The following SERPINB12 variants were observed in gnomAD, a reference collection of about 807,000 sequenced individuals.
SERPINB12 encodes serpin family B member 12.
In SERPINB12, 57 loss-of-function variants were observed where a neutral mutation model predicts 41.1. The ratio of observed to expected loss-of-function variants is 1.39; its 90% CI spans 1.12 to 1.73. The LOEUF (loss-of-function observed/expected upper bound fraction) is 1.73. SERPINB12 is among the 40% of genes most tolerant of loss of function. SERPINB12 has a pLI of 0.00. For synonymous variants in SERPINB12, 180 were observed against 181.3 expected (o/e 0.99, Z 0.06); for missense variants, 536 against 501.9 (o/e 1.07, Z -0.65).
At position 63,567,280 on chromosome 18, in the gene SERPINB12, C is replaced by T. The variant is rs541106664; in HGVS notation, c.*269C>T. Among the ~76,000 whole-genome samples the T allele has an allele frequency of 6.6e-6, 1 of 152,316 alleles. No individual in the cohort carries two copies. Among genetic ancestry groups the T allele is most frequent in the Non-Finnish European group, 1.5e-5 (1 of 68,026 alleles). On this transcript the variant is annotated 3_prime_UTR_variant, in exon 8 of 8. Coordinates refer to ENST00000382768, the MANE Select transcript of SERPINB12 (RefSeq NM_001307928.2). Reference sequence around the variant, plus strand: ...ACCTGAAGGTCAACACAATTCAGAACAGTACCTACCTCCTTTTGAAGGAAT... The same window carrying T: ...ACCTGAAGGTCAACACAATTCAGAATAGTACCTACCTCCTTTTGAAGGAAT...
rs1911196641 is a variant in SERPINB12 at position 63,568,688 on chromosome 18, C to T, written c.*1677C>T. The stretch of plus-strand genomic sequence containing the variant: ...TTTCCTTGGCCCACCTTGTGGCTGT[C>T]CTCCTCCCAGCTGCCACCAGTCGTT... On this transcript the variant is annotated 3_prime_UTR_variant, in exon 8 of 8. Transcript: ENST00000382768. Among the ~76,000 whole-genome samples, 1 of 152,146 alleles carries T rather than the reference C, an allele frequency of 6.6e-6. No homozygotes were observed. The highest frequency in any genetic ancestry group is 1.5e-5 in the Non-Finnish European group (1 of 68,040).
intron 1 of SERPINB12, among the ~76,000 whole-genome samples, chr18:63,554,137 A>AG (rs1448569443): frequency 2.0e-5 from 3 of 152,216 alleles, no homozygotes; most frequent in Admixed American, 6.5e-5. Context: ...AAGCTGAATA[A>AG]GGGGGGAGAG....
the SERPINB12 span, among the ~76,000 whole-genome samples, chr18:63,521,020 C>T: frequency 6.3e-3 from 958 of 152,264 alleles, 5 homozygotes; most frequent in African/African-American, 0.022. Flanking sequence ...ATTAATTATC[C>T]TTGGCTACAA....
chr18:63,527,563 G>C, the SERPINB12 span, among the ~76,000 whole-genome samples: 268 of 152,238 alleles, frequency 1.8e-3, no homozygotes, highest in Non-Finnish European at 2.9e-3. Context: ...TTTCCAGTGA[G>C]CTGCTTTTTT....
At chr18:63,526,177 A>G in the SERPINB12 span, among the ~76,000 whole-genome samples, 1 of 152,214 alleles carries the variant, frequency 6.6e-6, no homozygotes, top group Non-Finnish European at 1.5e-5. Flanking sequence ...TTTTAAGTTA[A>G]TTAATTAACT....
the SERPINB12 span, among the ~76,000 whole-genome samples, chr18:63,530,967 G>A: frequency 6.6e-6 from 1 of 152,064 alleles, no homozygotes; most frequent in Admixed American, 6.6e-5. Flanking sequence ...TTTGTTCTAA[G>A]AAATATAATT....
intron 7 of SERPINB12, 36 bp downstream of exon 7, chr18:63,565,648 A>G (rs758829871): frequency 1.9e-6 from 3 of 1,572,654 alleles, no homozygotes; most frequent in East Asian, 2.3e-5. Context: ...CAAAATATTT[A>G]ATGATAGATC....
At chr18:63,522,137 G>C in the SERPINB12 span, among the ~76,000 whole-genome samples, 2 of 152,124 alleles carry the variant, frequency 1.3e-5, no homozygotes, top group South Asian at 4.1e-4. Context: ...CATTTACATA[G>C]TGTGACAAGA....
chr18:63,552,277 T>C (rs551197631), intron 1 of SERPINB12, among the ~76,000 whole-genome samples: 1 of 152,326 alleles, frequency 6.6e-6, no homozygotes, highest in Non-Finnish European at 1.5e-5. Context: ...TTTCTATGTT[T>C]ATTCAAAAAG....
rs1414487338 is a variant in SERPINB12 at position 63,565,443 on chromosome 18, A to G, written c.706-2A>G. The G allele has an allele frequency of 1.2e-6, 2 of 1,612,574 alleles. No individual in the cohort carries two copies. The highest frequency in any genetic ancestry group is 1.7e-6 in the Non-Finnish European group (2 of 1,179,334). ...TGTGACCTCCTACCTTGACTACTAC[A>G]GAATGAAAACAAGAGTGTGAAGATG... On this transcript the variant is annotated splice_acceptor_variant, in intron 6 of 7. Transcript: ENST00000382768. LOFTEE classifies it high-confidence loss of function.
chr18:63,541,873 A>G (rs1221366600), upstream of SERPINB12, among the ~76,000 whole-genome samples: 1 of 152,218 alleles, frequency 6.6e-6, no homozygotes, highest in African/African-American at 2.4e-5. Flanking sequence ...AAATTATCCT[A>G]GACAGCTGTG....
At chr18:63,525,442 T>C in the SERPINB12 span, among the ~76,000 whole-genome samples, 6 of 152,136 alleles carry the variant, frequency 3.9e-5, no homozygotes, top group Admixed American at 3.3e-4. Flanking sequence ...TTTAGAAACA[T>C]AGCTTCTCAT....
chr18:63,568,903 T>G lies in SERPINB12; in HGVS notation c.*1892T>G, dbSNP rs1432909797. On this transcript the variant is annotated 3_prime_UTR_variant, in exon 8 of 8. Transcript: ENST00000382768. ...CTAAAACAATTTGACGTTGGTAACG[T>G]GAGGCAGTTTGAGGCAGTGCCCTAT... Among the ~76,000 whole-genome samples, 1 of 152,200 alleles carries G rather than the reference T, an allele frequency of 6.6e-6. No individual in the cohort carries two copies. Among genetic ancestry groups the G allele is most frequent in the East Asian group, 1.9e-4 (1 of 5,190 alleles).
In SERPINB12 at chr18:63,558,422, A is replaced by G; in HGVS notation, c.239A>G (p.Gln80Arg). 6.2e-7 allele frequency: 1 copy of G among 1,613,990 alleles called. No individual in the cohort carries two copies. The highest frequency in any genetic ancestry group is 8.5e-7 in the Non-Finnish European group (1 of 1,179,878). ...EPDPCLKSNK[Q>R]KVLADSSLEG... is the part of the protein sequence containing the mutation. ...GACCCTTGTCTGAAAAGCAACAAACAAAAAGTGCTGGCTGACAGCTCTCTG... is the reference window on the plus strand; with the variant it reads ...GACCCTTGTCTGAAAAGCAACAAACGAAAAGTGCTGGCTGACAGCTCTCTG... Residue 80 changes from glutamine to arginine, a missense_variant, in exon 3 of 8, where the codon CAA becomes CGA. Coordinates refer to ENST00000382768, the MANE Select transcript of SERPINB12 (RefSeq NM_001307928.2).
the SERPINB12 span, among the ~76,000 whole-genome samples, chr18:63,534,464 C>CAT: frequency 7.0e-3 from 1,066 of 152,254 alleles, 11 homozygotes; most frequent in African/African-American, 0.024. Context: ...ACTTAGTACT[C>CAT]ATACAATTGT....
the SERPINB12 span, among the ~76,000 whole-genome samples, chr18:63,520,028 C>T: frequency 4.2e-4 from 64 of 152,248 alleles, 1 homozygote; most frequent in South Asian, 0.012. Flanking sequence ...ATGTGAAACG[C>T]GCTCATCAGG....
chr18:63,552,296 C>T (rs1910553189), intron 1 of SERPINB12, among the ~76,000 whole-genome samples: 1 of 152,160 alleles, frequency 6.6e-6, no homozygotes, highest in Non-Finnish European at 1.5e-5. Flanking sequence ...AGACCATAAA[C>T]TCATTTCTAT....
Position 63,569,097 on chromosome 18 carries a change from C to T in SERPINB12, c.*2086C>T, listed in dbSNP as rs1018403353. Among the ~76,000 whole-genome samples the T allele has an allele frequency of 9.2e-5, 14 of 151,622 alleles. No homozygotes were observed. Among genetic ancestry groups the T allele is most frequent in the African/African-American group, 3.2e-4 (13 of 41,214 alleles). On this transcript the variant is annotated 3_prime_UTR_variant, in exon 8 of 8. Coordinates refer to ENST00000382768, the MANE Select transcript of SERPINB12 (RefSeq NM_001307928.2). The stretch of plus-strand genomic sequence containing the variant: ...GACCTATATATAGGCCTGCACTGCC[C>T]GGCATTTCTTTTGTTCTTATTCTTT...
At chr18:63,532,789 A>T in the SERPINB12 span, among the ~76,000 whole-genome samples, 2 of 152,008 alleles carry the variant, frequency 1.3e-5, no homozygotes, top group South Asian at 2.1e-4. Context: ...ATGTTTGATG[A>T]ATCTAGTTGA....
Sources: allele counts gnomAD v4.1 joint callset (sites outside exome capture counted in the v4.1 genomes callset), GRCh38; gene constraint gnomAD v4.1.1; transcripts MANE v1.5; gene names NCBI Gene and HGNC (gene_info 2026-07-23, HGNC 2026-07-21).